Variants in PDE3A observed in about 807,000 individuals in gnomAD.
The protein encoded by PDE3A is cGMP-inhibited 3',5'-cyclic phosphodiesterase 3A.
Under a neutral mutation model 98.3 loss-of-function variants are expected in PDE3A, and 43 were observed. That is an observed-to-expected ratio of 0.44 (90% CI 0.34 to 0.56). PDE3A has a LOEUF of 0.56. Ranked by LOEUF, PDE3A falls within the 20% of genes least tolerant of loss-of-function variation. PDE3A has a pLI of 0.01. For missense variants in PDE3A, 1,427 were observed against 1,440.7 expected, an observed-to-expected ratio of 0.99 and a Z score of 0.15; for synonymous variants, 663 against 567.9, an observed-to-expected ratio of 1.17 and a Z score of -2.38.
intron 1 of PDE3A, among the ~76,000 whole-genome samples, chr12:20,378,201 G>T (rs563333949): frequency 3.4e-4 from 51 of 151,708 alleles, no homozygotes; most frequent in African/African-American, 1.2e-3. Context: ...GTGAGTTTTG[G>T]AGCCATTTTC....
intron 1 of PDE3A, among the ~76,000 whole-genome samples, chr12:20,502,585 G>A (rs983394965): frequency 6.6e-6 from 1 of 152,112 alleles, no homozygotes; most frequent in African/African-American, 2.4e-5. Context: ...CCTAGAGCAG[G>A]TCTAGCAAAT....
Position 20,685,857 on chromosome 12 carries a change from T to C in PDE3A, c.*5586T>C, listed in dbSNP as rs1203712032. Among the ~76,000 whole-genome samples, 1 of 152,198 alleles carries C rather than the reference T, an allele frequency of 6.6e-6. No homozygotes were observed. Among genetic ancestry groups the C allele is most frequent in the African/African-American group, 2.4e-5 (1 of 41,460 alleles). ...GCATTAAGAAGTGGTTCTTTAGTTA[T>C]GCAAATAATTCAATAACCAAAAATG... On this transcript the variant is annotated 3_prime_UTR_variant, in exon 16 of 16. Transcript: ENST00000359062.
chr12:20,606,907 C>T (rs538404298), intron 2 of PDE3A, among the ~76,000 whole-genome samples: 9 of 150,608 alleles, frequency 6.0e-5, no homozygotes, highest in Admixed American at 4.6e-4. Context: ...GATAGGCACA[C>T]GTCTAAAAGT....
intron 2 of PDE3A, among the ~76,000 whole-genome samples, chr12:20,599,059 T>C (rs1196578033): frequency 6.6e-6 from 1 of 152,208 alleles, no homozygotes; most frequent in East Asian, 1.9e-4. Context: ...ATCTGAAATC[T>C]AGCCTCATAC....
At chr12:20,672,509 G>A (rs1357934713) in intron 15 of PDE3A, among the ~76,000 whole-genome samples, 1 of 151,916 alleles carries the variant, frequency 6.6e-6, no homozygotes, top group Non-Finnish European at 1.5e-5. Flanking sequence ...AGATATACAA[G>A]AATGGAACAG....
intron 1 of PDE3A, among the ~76,000 whole-genome samples, chr12:20,473,445 A>G (rs1195569737): frequency 6.6e-6 from 1 of 152,144 alleles, no homozygotes; most frequent in Non-Finnish European, 1.5e-5. Flanking sequence ...GGAAGGGATT[A>G]CTCGGTTGTC....
intron 1 of PDE3A, among the ~76,000 whole-genome samples, chr12:20,538,556 C>G (rs1941811424): frequency 6.6e-6 from 1 of 152,058 alleles, no homozygotes; most frequent in Admixed American, 6.6e-5. Context: ...CTATGAGAAC[C>G]AGGGTTCTGT....
chr12:20,504,682 C>T (rs1946083266), intron 1 of PDE3A, among the ~76,000 whole-genome samples: 1 of 152,118 alleles, frequency 6.6e-6, no homozygotes, highest in South Asian at 2.1e-4. Context: ...GCTTGCGACC[C>T]TCTTTCTCCA....
rs1274125578 is a variant in PDE3A, at chr12:20,400,416, T to C, written c.960+30172T>C. Among the ~76,000 whole-genome samples, 10 of 59,336 alleles carry C rather than the reference T, an allele frequency of 1.7e-4. 1 individual carries two copies. The highest frequency in any genetic ancestry group is 3.9e-4 in the Admixed American group (2 of 5,072). 38.9% of individuals were successfully genotyped at this position (59,336 alleles called of 152,430 possible). On this transcript the variant is annotated intron_variant, in intron 1 of 15. Coordinates refer to ENST00000359062, the MANE Select transcript of PDE3A (RefSeq NM_000921.5). ...TTTTTTTTTTTTTTTTTTTTTTTTT[T>C]TTTTTTTTGAGATGGAGTCTCGATC...
chr12:20,639,976 TG>T lies in PDE3A; in HGVS notation c.2251+20del. ...ATTCCTTGTAAGTATATGTGATTTG[TG>T]AAATAATACTTTTAAAATATGTCGA... On this transcript the variant is annotated intron_variant, in intron 10 of 15. Transcript: ENST00000359062. 1 of 1,069,050 alleles carries T rather than the reference TG, an allele frequency of 9.4e-7. No homozygotes were observed. 66.2% of individuals were successfully genotyped at this position (1,069,050 alleles called of 1,614,324 possible). A position where few individuals can be genotyped will look rare whatever the true frequency, so the allele number is the denominator to read the frequency against.
intron 5 of PDE3A, among the ~76,000 whole-genome samples, chr12:20,629,028 A>G (rs1370530050): frequency 6.6e-6 from 1 of 152,228 alleles, no homozygotes; most frequent in Non-Finnish European, 1.5e-5. Flanking sequence ...GCCCTACATT[A>G]CATTGTTCAG....
intron 2 of PDE3A, among the ~76,000 whole-genome samples, chr12:20,581,863 C>T (rs541133287): frequency 7.2e-5 from 11 of 152,066 alleles, no homozygotes; most frequent in African/African-American, 2.2e-4. Flanking sequence ...CCGCCCGCCT[C>T]GGCCTCCCAA....
In PDE3A at chr12:20,370,168, T is replaced by G; in HGVS notation, c.884T>G (p.Val295Gly). The G allele has an allele frequency of 6.2e-7, 1 of 1,612,442 alleles. No homozygotes were observed. Residue 295 changes from valine (V) to glycine (G), a missense_variant, in exon 1 of 16, where the codon GTC becomes GGC. Val to Gly is a moderately radical substitution (Grantham distance 109, BLOSUM62 -3). This residue lies in a region of PDE3A where 1,012 missense variants were observed against 886.5 expected (regional missense o/e 1.14). Coordinates refer to ENST00000359062, the MANE Select transcript of PDE3A (RefSeq NM_000921.5). The stretch of plus-strand genomic sequence containing the variant: ...AAGAGGAGGAGGCGGTCCAGCTCCG[T>G]CGTGTCCGCCGAGATGTCCGGCTGC... Reference protein sequence around the residue: ...VFKRRRRSSSVVSAEMSGCSS... With the variant: ...VFKRRRRSSSGVSAEMSGCSS...
chr12:20,675,770 G>C (rs908721039), intron 15 of PDE3A, among the ~76,000 whole-genome samples: 1 of 152,158 alleles, frequency 6.6e-6, no homozygotes, highest in Admixed American at 6.5e-5. Context: ...TATAAGTATA[G>C]CTACTCTTGC....
chr12:20,601,227 G>A (rs958426695), intron 2 of PDE3A, among the ~76,000 whole-genome samples: 1 of 142,868 alleles, frequency 7.0e-6, no homozygotes, highest in African/African-American at 2.7e-5. Flanking sequence ...TAGCTCCAAG[G>A]CTTTTTGTTT....
intron 2 of PDE3A, among the ~76,000 whole-genome samples, chr12:20,594,132 T>A (rs187372433): frequency 4.3e-4 from 66 of 152,250 alleles, no homozygotes; most frequent in African/African-American, 1.5e-3. Flanking sequence ...TGTTAATAGA[T>A]TATAATTTTT....
At chr12:20,477,659 G>A (rs189966039) in intron 1 of PDE3A, among the ~76,000 whole-genome samples, 1 of 152,030 alleles carries the variant, frequency 6.6e-6, no homozygotes, top group East Asian at 1.9e-4. Flanking sequence ...TATATTTCAA[G>A]GTAATTAAAA....
chr12:20,668,357 G>A (rs1024297786), intron 15 of PDE3A, among the ~76,000 whole-genome samples: 5 of 152,296 alleles, frequency 3.3e-5, no homozygotes, highest in East Asian at 1.9e-4. Flanking sequence ...ACAGCTCAAG[G>A]AGGCCTGCCT....
chr12:20,594,971 T>C, intron 2 of PDE3A, among the ~76,000 whole-genome samples: 1 of 152,226 alleles, frequency 6.6e-6, no homozygotes, highest in African/African-American at 2.4e-5. Flanking sequence ...ATACAGTTGG[T>C]ATATTATATA....
Sources: allele counts gnomAD v4.1 joint callset (sites outside exome capture counted in the v4.1 genomes callset), GRCh38; gene constraint gnomAD v4.1.1; regional missense constraint gnomAD v4.1.1; transcripts MANE v1.5; gene names NCBI Gene and HGNC (gene_info 2026-07-23, HGNC 2026-07-21).